FBXO42: variants seen among roughly 807,000 people sequenced by gnomAD.
FBXO42 encodes the protein F-box only protein 42.
In FBXO42, 12 loss-of-function variants were observed where a neutral mutation model predicts 71.7. The observed-to-expected ratio is 0.17, with a 90% CI of 0.11 to 0.27. FBXO42 has a LOEUF of 0.27. FBXO42 is among the 10% of genes least tolerant of loss of function. FBXO42 has a pLI of 1.00. For missense variants in FBXO42, 707 were observed against 911.9 expected (o/e 0.78, Z 2.89); for synonymous variants, 325 against 327.5 (o/e 0.99, Z 0.08).
chr1:16,255,704 T>C lies in FBXO42; in HGVS notation c.767+7A>G. The C allele has an allele frequency of 6.2e-7, 1 of 1,611,282 alleles. No individual in the cohort carries two copies. Among genetic ancestry groups the C allele is most frequent in the Non-Finnish European group, 8.5e-7 (1 of 1,177,776 alleles). ...AGGCTCATATGGAGCAAACCAAATG[T>C]ACTTACATTTGCCGGGATCCTAAAG... On this transcript the variant is annotated splice_region_variant and intron_variant, in intron 6 of 9. Coordinates refer to ENST00000375592, the MANE Select transcript of FBXO42 (RefSeq NM_018994.3).
chr1:16,339,906 T>C (rs1400929463), intron 1 of FBXO42, among the ~76,000 whole-genome samples: 1 of 152,128 alleles, frequency 6.6e-6, no homozygotes, highest in Non-Finnish European at 1.5e-5. Context: ...TGAGCCATGA[T>C]TGTACCACTG....
chr1:16,272,813 G>A (rs1268211529), intron 4 of FBXO42, among the ~76,000 whole-genome samples: 2 of 152,112 alleles, frequency 1.3e-5, no homozygotes, highest in African/African-American at 4.8e-5. Flanking sequence ...GCCTTTACAC[G>A]AACAATGGCT....
chr1:16,298,568 G>A (rs1363125553), intron 3 of FBXO42, among the ~76,000 whole-genome samples: 2 of 152,098 alleles, frequency 1.3e-5, no homozygotes, highest in Non-Finnish European at 2.9e-5. Context: ...GGAGTGCAGT[G>A]GCACAATCTT....
intron 1 of FBXO42, among the ~76,000 whole-genome samples, chr1:16,327,633 C>T (rs1371847471): frequency 6.6e-6 from 1 of 152,174 alleles, no homozygotes; most frequent in Non-Finnish European, 1.5e-5. Flanking sequence ...AGAAAAGTGA[C>T]CATCCTAAGA....
At chr1:16,274,460 CT>C in intron 4 of FBXO42, among the ~76,000 whole-genome samples, 1 of 151,800 alleles carries the variant, frequency 6.6e-6, no homozygotes, top group East Asian at 1.9e-4. Context: ...GTTTTCGTAT[CT>C]TGATCTAGGT....
chr1:16,344,093 G>T (rs1279701016), intron 1 of FBXO42, among the ~76,000 whole-genome samples: 2 of 151,232 alleles, frequency 1.3e-5, no homozygotes, highest in Admixed American at 1.3e-4. Context: ...CACCTCCCAG[G>T]TTTAAGCGAT....
intron 4 of FBXO42, among the ~76,000 whole-genome samples, chr1:16,263,922 T>C (rs1319028109): frequency 2.0e-5 from 3 of 150,162 alleles, no homozygotes; most frequent in Non-Finnish European, 4.4e-5. Flanking sequence ...GCGATTCTCC[T>C]GGCTCAGCCT....
At chr1:16,307,398 G>A (rs1437210444) in intron 2 of FBXO42, among the ~76,000 whole-genome samples, 1 of 152,124 alleles carries the variant, frequency 6.6e-6, no homozygotes, top group Admixed American at 6.6e-5. Flanking sequence ...CTACTTGGGA[G>A]GCAGAGGAGG....
intron 3 of FBXO42, among the ~76,000 whole-genome samples, chr1:16,300,872 C>G (rs12066073): frequency 0.025 from 3,740 of 149,382 alleles, 139 homozygotes; most frequent in African/African-American, 0.088. Context: ...TGCACACATT[C>G]ACCAAAAAGC....
chr1:16,298,799 C>T (rs1368907961), intron 3 of FBXO42, among the ~76,000 whole-genome samples: 4 of 151,970 alleles, frequency 2.6e-5, no homozygotes, highest in Admixed American at 6.6e-5. Flanking sequence ...CGTGAGCCAC[C>T]GCGCCCGGCC....
rs1194507919 is a variant in FBXO42, at chr1:16,303,806, C to T, written c.367+1997G>A. ...TGTCACCGAGGCTAGAGTGCAGTGG[C>T]GTGATCTCGGCTCACTGCCAGCTCC... On this transcript the variant is annotated intron_variant, in intron 3 of 9. Coordinates refer to ENST00000375592, the MANE Select transcript of FBXO42 (RefSeq NM_018994.3). Among the ~76,000 whole-genome samples, 17 of 152,136 alleles carry T rather than the reference C, an allele frequency of 1.1e-4. 1 individual carries two copies. The highest frequency in any genetic ancestry group is 3.9e-4 in the East Asian group (2 of 5,178).
In FBXO42 at chr1:16,303,183, G is replaced by C. The variant is rs149023515; in HGVS notation, c.367+2620C>G. On this transcript the variant is annotated intron_variant, in intron 3 of 9. Coordinates refer to ENST00000375592, the MANE Select transcript of FBXO42 (RefSeq NM_018994.3). ...TGCAGCAGTGAGTCAGGCTGAAAAG[G>C]CAAGCCAGGTCCTTGAAAGGCAGGC... is the stretch of plus-strand genomic sequence containing the variant. Among the ~76,000 whole-genome samples, 14 of 152,282 alleles carry C rather than the reference G, an allele frequency of 9.2e-5. No homozygotes were observed. In the East Asian group the frequency reaches 2.5e-3, roughly 27 times the overall value.
chr1:16,300,520 C>G (rs77331655), intron 3 of FBXO42, among the ~76,000 whole-genome samples: 3,585 of 152,286 alleles, frequency 0.024, 139 homozygotes, highest in African/African-American at 0.081. Context: ...TTTCAGACGT[C>G]AAATTCTCTT....
intron 3 of FBXO42, among the ~76,000 whole-genome samples, chr1:16,299,751 T>A (rs907299355): frequency 1.3e-5 from 2 of 152,072 alleles, no homozygotes; most frequent in African/African-American, 4.8e-5. Context: ...TTCAAGCGAT[T>A]TTCCTGCCTC....
At chr1:16,340,476 C>A (rs1225956989) in intron 1 of FBXO42, among the ~76,000 whole-genome samples, 1 of 151,990 alleles carries the variant, frequency 6.6e-6, no homozygotes, top group Non-Finnish European at 1.5e-5. Context: ...GCCCACCCCG[C>A]CCAGCTAATT....
At chr1:16,264,598 GCCTCTTCCCCTAGAGC>G (rs375186793) in intron 4 of FBXO42, among the ~76,000 whole-genome samples, 5 of 152,104 alleles carry the variant, frequency 3.3e-5, no homozygotes, top group African/African-American at 7.2e-5. Context: ...TGTTACTTGA[GCCTCTTCCCCTAGAGC>G]CCTCTTCCCC....
chr1:16,309,856 C>T (rs1160223003), intron 2 of FBXO42, among the ~76,000 whole-genome samples: 2 of 151,480 alleles, frequency 1.3e-5, no homozygotes, highest in Non-Finnish European at 2.9e-5. Flanking sequence ...CCAGCCTGGT[C>T]AACATGGTAA....
chr1:16,310,146 A>G (rs995278782), intron 2 of FBXO42, among the ~76,000 whole-genome samples: 1 of 148,854 alleles, frequency 6.7e-6, no homozygotes, highest in Non-Finnish European at 1.5e-5. Flanking sequence ...GTGAGCCGAG[A>G]TCACACCACT....
At chr1:16,340,376 T>G (rs1234830991) in intron 1 of FBXO42, among the ~76,000 whole-genome samples, 2 of 151,848 alleles carry the variant, frequency 1.3e-5, no homozygotes, top group African/African-American at 2.4e-5. Flanking sequence ...TAGAGTGAAA[T>G]AGTGCCATCT....
Sources: gnomAD v4.1 joint callset for allele counts (sites outside exome capture counted in the v4.1 genomes callset) on GRCh38, gnomAD v4.1.1 for gene constraint, MANE v1.5 for transcripts, NCBI Gene and HGNC (gene_info 2026-07-23, HGNC 2026-07-21) for gene names.